MCOLN2: variants seen among roughly 807,000 people sequenced by gnomAD.
MCOLN2 encodes the protein mucolipin TRP cation channel 2.
A neutral mutation model predicts 67.5 loss-of-function variants in MCOLN2; 57 were observed. The ratio of observed to expected loss-of-function variants is 0.84; its 90% CI spans 0.68 to 1.05. MCOLN2 has a LOEUF of 1.05. Among genes scored for constraint, MCOLN2 ranks in the 50% least tolerant of loss-of-function variants. The pLI is 0.00. For synonymous variants in MCOLN2, 246 were observed against 233.3 expected (o/e 1.05, Z -0.50); for missense variants, 620 against 678.8 (o/e 0.91, Z 0.96).
At chr1:84,983,503 A>C (rs1650358395) in intron 1 of MCOLN2, among the ~76,000 whole-genome samples, 1 of 151,588 alleles carries the variant, frequency 6.6e-6, no homozygotes, top group Admixed American at 6.6e-5. Context: ...TCCTGGATGC[A>C]GATGATCCTT....
intron 11 of MCOLN2, among the ~76,000 whole-genome samples, chr1:84,932,329 G>A (rs1032678812): frequency 6.6e-6 from 1 of 151,838 alleles, no homozygotes; most frequent in African/African-American, 2.4e-5. Flanking sequence ...CTCATGTGTC[G>A]GCCTCCCAAA....
At position 84,933,213 on chromosome 1, in the gene MCOLN2, T is replaced by C. The variant is rs1382995841; in HGVS notation, c.1336-1645A>G. ...GTTCTAGTCCTTTCTCTGCACTCCG[T>C]ATCGGTAAGAATCACAGAATGAACT... On this transcript the variant is annotated intron_variant, in intron 11 of 13. Transcript: ENST00000370608. 2.0e-5 allele frequency among the ~76,000 whole-genome samples: 3 copies of C among 152,188 alleles called. No individual in the cohort carries two copies. The East Asian group carries it at 5.8e-4, about 29-fold the overall frequency.
chr1:84,942,663 C>T (rs1159732119), intron 7 of MCOLN2, among the ~76,000 whole-genome samples: 1 of 152,128 alleles, frequency 6.6e-6, no homozygotes, highest in Non-Finnish European at 1.5e-5. Context: ...TTGTCTCCTC[C>T]AAAACTCATT....
At chr1:84,970,888 G>A (rs1055074707) in intron 1 of MCOLN2, among the ~76,000 whole-genome samples, 16 of 152,194 alleles carry the variant, frequency 1.1e-4, no homozygotes, top group African/African-American at 3.9e-4. Context: ...TAATTCTTCT[G>A]ACTGCTGGGT....
At chr1:84,990,480 T>C (rs1250590566) in intron 1 of MCOLN2, among the ~76,000 whole-genome samples, 1 of 152,110 alleles carries the variant, frequency 6.6e-6, no homozygotes. Context: ...GGATTTATAA[T>C]ACAAATTTTA....
chr1:84,933,145 A>G (rs1215436537), intron 11 of MCOLN2, among the ~76,000 whole-genome samples: 1 of 152,194 alleles, frequency 6.6e-6, no homozygotes, highest in Non-Finnish European at 1.5e-5. Flanking sequence ...GCCAATGTTC[A>G]AGGGTCATTT....
chr1:84,978,662 T>C (rs554738217), intron 1 of MCOLN2, among the ~76,000 whole-genome samples: 31 of 152,138 alleles, frequency 2.0e-4, no homozygotes, highest in African/African-American at 7.2e-4. Context: ...ATCCAAAACC[T>C]GAATAGACCA....
At chr1:84,951,404 A>C (rs969747913) in intron 6 of MCOLN2, among the ~76,000 whole-genome samples, 1 of 152,206 alleles carries the variant, frequency 6.6e-6, no homozygotes, top group Non-Finnish European at 1.5e-5. Flanking sequence ...AGAAGGACAG[A>C]GAAAGTCTAT....
At position 84,956,585 on chromosome 1, in the gene MCOLN2, C is replaced by G; in HGVS notation, c.412-1G>C. Reference sequence around the variant, plus strand: ...GGGTAATGTCCTTTAGCTGATGATACTATTAAAAAATAGTCAAGTAAAAAC... The same window carrying G: ...GGGTAATGTCCTTTAGCTGATGATAGTATTAAAAAATAGTCAAGTAAAAAC... On this transcript the variant is annotated splice_acceptor_variant, in intron 3 of 13. Transcript: ENST00000370608. LOFTEE classifies it high-confidence loss of function. 6.4e-7 allele frequency: 1 copy of G among 1,573,492 alleles called. No homozygotes were observed. The highest frequency in any genetic ancestry group is 8.6e-7 in the Non-Finnish European group (1 of 1,167,190).
At chr1:84,953,280 G>A (rs190754548) in intron 4 of MCOLN2, among the ~76,000 whole-genome samples, 101 of 152,240 alleles carry the variant, frequency 6.6e-4, no homozygotes, top group Non-Finnish European at 1.2e-3. Context: ...GGCCAGGCAC[G>A]GTGGCTCACA....
intron 12 of MCOLN2, among the ~76,000 whole-genome samples, chr1:84,930,436 A>G (rs1191482665): frequency 2.6e-5 from 4 of 151,916 alleles, no homozygotes; most frequent in African/African-American, 7.3e-5. Context: ...TTTTTTTCCA[A>G]GCAGACACAA....
At chr1:84,982,653 T>C (rs898550871) in intron 1 of MCOLN2, among the ~76,000 whole-genome samples, 1 of 152,208 alleles carries the variant, frequency 6.6e-6, no homozygotes, top group Non-Finnish European at 1.5e-5. Flanking sequence ...GCTGTGGTTG[T>C]TCTTTGTTGT....
intron 1 of MCOLN2, among the ~76,000 whole-genome samples, chr1:84,971,545 C>CAT (rs1649683610): frequency 7.1e-6 from 1 of 139,878 alleles, no homozygotes; most frequent in South Asian, 2.3e-4. Context: ...CACACACACA[C>CAT]GATATCTTAT....
intron 1 of MCOLN2, among the ~76,000 whole-genome samples, chr1:84,978,947 T>C (rs1571029542): frequency 6.6e-6 from 1 of 152,122 alleles, no homozygotes; most frequent in Non-Finnish European, 1.5e-5. Context: ...ACTGAAGAAC[T>C]TGGAGTCTGA....
intron 1 of MCOLN2, among the ~76,000 whole-genome samples, chr1:84,981,657 G>A (rs1400552750): frequency 6.6e-6 from 1 of 152,174 alleles, no homozygotes; most frequent in Non-Finnish European, 1.5e-5. Flanking sequence ...CAGCGGCTGG[G>A]AAGAATAGTG....
intron 11 of MCOLN2, among the ~76,000 whole-genome samples, chr1:84,932,656 T>C (rs1015719668): frequency 6.6e-6 from 1 of 152,232 alleles, no homozygotes; most frequent in Admixed American, 6.5e-5. Flanking sequence ...AAACATTTAC[T>C]CTGAAATAAT....
At chr1:84,943,423 G>A (rs562510583) in intron 7 of MCOLN2, among the ~76,000 whole-genome samples, 3 of 152,190 alleles carry the variant, frequency 2.0e-5, no homozygotes, top group African/African-American at 7.2e-5. Context: ...GGGGAGCAAT[G>A]TTTGAGAATT....
At chr1:84,926,997 C>A (rs925947322) in intron 13 of MCOLN2, among the ~76,000 whole-genome samples, 2 of 151,730 alleles carry the variant, frequency 1.3e-5, no homozygotes, top group Admixed American at 6.6e-5. Flanking sequence ...TCTTAAGAAC[C>A]TCCATGCCCC....
intron 1 of MCOLN2, among the ~76,000 whole-genome samples, chr1:84,987,010 C>T (rs1383440144): frequency 6.6e-6 from 1 of 152,018 alleles, no homozygotes; most frequent in African/African-American, 2.4e-5. Context: ...TTTGATCCAG[C>T]AAGCCCACTA....
Sources: allele counts gnomAD v4.1 joint callset (sites outside exome capture counted in the v4.1 genomes callset), GRCh38; gene constraint gnomAD v4.1.1; transcripts MANE v1.5; gene names NCBI Gene and HGNC (gene_info 2026-07-23, HGNC 2026-07-21).